HYAL4: variants seen among roughly 807,000 people sequenced by gnomAD.
The protein encoded by HYAL4 is hyaluronidase 4.
A neutral mutation model predicts 35.2 loss-of-function variants in HYAL4; 37 were observed. The ratio of observed to expected loss-of-function variants is 1.05; its 90% CI spans 0.81 to 1.38. HYAL4 has a LOEUF of 1.38. HYAL4 is among the 40% of genes most tolerant of loss of function. HYAL4 has a pLI of 0.00. For synonymous variants in HYAL4, 198 were observed against 203.2 expected (o/e 0.97, Z 0.22); for missense variants, 572 against 572.4 (o/e 1.00, Z 0.01).
chr7:123,764,980 C>G, the HYAL4 span, among the ~76,000 whole-genome samples: 2 of 151,964 alleles, frequency 1.3e-5, no homozygotes, highest in Admixed American at 6.6e-5. Flanking sequence ...GTCAGATTGC[C>G]CAGCAATAAC....
At chr7:123,805,692 GAAGT>G in the HYAL4 span, among the ~76,000 whole-genome samples, 5 of 152,088 alleles carry the variant, frequency 3.3e-5, no homozygotes, top group Admixed American at 1.3e-4. Flanking sequence ...ATGAAAATAA[GAAGT>G]AAGATCATAG....
chr7:123,778,439 C>T, the HYAL4 span, among the ~76,000 whole-genome samples: 10,047 of 152,106 alleles, frequency 0.066, 416 homozygotes, highest in East Asian at 0.11. Flanking sequence ...ATTGCCATGT[C>T]TTTTTTAGTT....
chr7:123,836,959 C>T (rs1482265526), intron 1 of HYAL4, among the ~76,000 whole-genome samples: 1 of 151,820 alleles, frequency 6.6e-6, no homozygotes, highest in Non-Finnish European at 1.5e-5. Flanking sequence ...ATCCTGGAGG[C>T]CAAGGCTGCA....
intron 1 of HYAL4, among the ~76,000 whole-genome samples, chr7:123,839,216 T>C (rs1054708465): frequency 2.6e-5 from 4 of 151,956 alleles, no homozygotes; most frequent in Non-Finnish European, 5.9e-5. Flanking sequence ...AATTCCCACC[T>C]ATGAGTGAGA....
the HYAL4 span, among the ~76,000 whole-genome samples, chr7:123,821,496 G>A: frequency 6.6e-6 from 1 of 151,990 alleles, no homozygotes; most frequent in Non-Finnish European, 1.5e-5. Context: ...CTTTGATTGG[G>A]TTATATATAT....
chr7:123,817,401 C>T, the HYAL4 span, among the ~76,000 whole-genome samples: 1 of 152,098 alleles, frequency 6.6e-6, no homozygotes, highest in Non-Finnish European at 1.5e-5. Context: ...CAAGGATTTA[C>T]ATTGCCTTTG....
At chr7:123,823,061 CATT>C in the HYAL4 span, among the ~76,000 whole-genome samples, 10,127 of 152,244 alleles carry the variant, frequency 0.067, 504 homozygotes, top group Admixed American at 0.16. Context: ...AACTTTTCAT[CATT>C]GACTATGATG....
intron 2 of HYAL4, among the ~76,000 whole-genome samples, chr7:123,852,645 T>A (rs1383835824): frequency 6.6e-6 from 1 of 152,218 alleles, no homozygotes; most frequent in Non-Finnish European, 1.5e-5. Flanking sequence ...TGTAGCCTTA[T>A]AGTATAGTTT....
chr7:123,838,367 A>G (rs1368539201), intron 1 of HYAL4, among the ~76,000 whole-genome samples: 1 of 152,030 alleles, frequency 6.6e-6, no homozygotes, highest in Non-Finnish European at 1.5e-5. Flanking sequence ...GCAATGAAAA[A>G]CTACTATTAC....
the HYAL4 span, among the ~76,000 whole-genome samples, chr7:123,812,972 G>A: frequency 1.1e-4 from 17 of 152,050 alleles, no homozygotes; most frequent in Admixed American, 7.2e-4. Flanking sequence ...TTATTTAAAA[G>A]AGTAAATTAT....
intron 3 of HYAL4, among the ~76,000 whole-genome samples, chr7:123,869,685 T>C (rs1012810737): frequency 1.4e-5 from 2 of 145,364 alleles, no homozygotes; most frequent in African/African-American, 5.0e-5. Flanking sequence ...ATCTTTGTTT[T>C]GTTTTTTTTT....
the HYAL4 span, among the ~76,000 whole-genome samples, chr7:123,786,343 C>T: frequency 6.6e-6 from 1 of 152,194 alleles, no homozygotes; most frequent in African/African-American, 2.4e-5. Context: ...CTTGCACTCA[C>T]TATGATTTTT....
intron 2 of HYAL4, among the ~76,000 whole-genome samples, chr7:123,850,858 C>G (rs1806289701): frequency 1.3e-5 from 2 of 152,170 alleles, no homozygotes; most frequent in Admixed American, 1.3e-4. Context: ...AACCCAAAAT[C>G]TATGATTGGA....
chr7:123,849,243 G>A (rs1217319798), intron 2 of HYAL4, among the ~76,000 whole-genome samples: 2 of 151,970 alleles, frequency 1.3e-5, no homozygotes, highest in African/African-American at 4.8e-5. Flanking sequence ...AGATCCTGGA[G>A]TACCTGAATA....
At chr7:123,847,553 G>A (rs191233764) in intron 1 of HYAL4, among the ~76,000 whole-genome samples, 4 of 152,236 alleles carry the variant, frequency 2.6e-5, no homozygotes, top group East Asian at 3.9e-4. Context: ...CCAGTCAGGT[G>A]GATCACAAGA....
chr7:123,835,310 G>C (rs1805947844), intron 1 of HYAL4, among the ~76,000 whole-genome samples: 1 of 151,898 alleles, frequency 6.6e-6, no homozygotes, highest in Non-Finnish European at 1.5e-5. Context: ...AAGCTAGGAG[G>C]GTGGTTATTT....
the HYAL4 span, among the ~76,000 whole-genome samples, chr7:123,775,843 T>TA: frequency 3.3e-5 from 5 of 152,134 alleles, no homozygotes; most frequent in East Asian, 7.7e-4. Context: ...GCAACTGGTG[T>TA]AACAGGAAGC....
chr7:123,807,283 A>G, the HYAL4 span, among the ~76,000 whole-genome samples: 8 of 152,100 alleles, frequency 5.3e-5, no homozygotes, highest in Non-Finnish European at 7.4e-5. Context: ...TTCTTTTCAT[A>G]AAAGCTACTA....
At chr7:123,800,773 C>T in the HYAL4 span, among the ~76,000 whole-genome samples, 1 of 151,746 alleles carries the variant, frequency 6.6e-6, no homozygotes, top group Non-Finnish European at 1.5e-5. Flanking sequence ...TCTCGTGCCT[C>T]AGCCTCCTGA....
Sources: gnomAD v4.1 joint callset for allele counts (sites outside exome capture counted in the v4.1 genomes callset) on GRCh38, gnomAD v4.1.1 for gene constraint, MANE v1.5 for transcripts, NCBI Gene and HGNC (gene_info 2026-07-23, HGNC 2026-07-21) for gene names.